The following PITRM1 variants were observed in gnomAD, a reference collection of about 807,000 sequenced individuals.
The protein encoded by PITRM1 is presequence protease, mitochondrial.
A neutral mutation model predicts 129.9 loss-of-function variants in PITRM1; 100 were observed. The observed-to-expected ratio is 0.77, with a 90% CI of 0.65 to 0.91. PITRM1 has a LOEUF of 0.91. Ranked by LOEUF, PITRM1 falls within the 40% of genes least tolerant of loss-of-function variation. The probability of loss-of-function intolerance (pLI) is 0.00; values close to 1 mark genes in which losing one functional copy is unlikely to be tolerated. For synonymous variants in PITRM1, 591 were observed against 508.8 expected, an observed-to-expected ratio of 1.16 and a Z score of -2.17; for missense variants, 1,471 against 1,318.3, an observed-to-expected ratio of 1.12 and a Z score of -1.79.
chr10:3,147,043 A>G (rs1840948675), intron 20 of PITRM1, 107 bp downstream of exon 20: 1 of 574,104 alleles, frequency 1.7e-6, no homozygotes. Context: ...AAATTCTATA[A>G]CCTTTACCAA....
In PITRM1 at chr10:3,143,984, A is replaced by C; in HGVS notation, c.2532+308T>G. 4 of 541,912 alleles carry C rather than the reference A, an allele frequency of 7.4e-6. No homozygotes were observed. The South Asian group carries it at 8.0e-5, about 11-fold the overall frequency. 33.6% of individuals were successfully genotyped at this position (541,912 alleles called of 1,614,324 possible). A position where few individuals can be genotyped will look rare whatever the true frequency, so the allele number is the denominator to read the frequency against. On this transcript the variant is annotated intron_variant, in intron 22 of 26. Coordinates refer to ENST00000224949, the MANE Select transcript of PITRM1 (RefSeq NM_014889.4). ...TCAGCTCGGGAGCTACGTTCAAAGA[A>C]GGGTGAGTTGCCCGGGAGGAGACCA...
intron 23 of PITRM1, chr10:3,141,620 C>T: frequency 2.1e-6 from 1 of 467,890 alleles, no homozygotes; most frequent in South Asian, 1.6e-5. Flanking sequence ...ACACATCCAC[C>T]TCCGACAGAA....
chr10:3,151,002 C>T (rs1427141404), intron 15 of PITRM1, among the ~76,000 whole-genome samples: 3 of 152,114 alleles, frequency 2.0e-5, no homozygotes, highest in Admixed American at 6.5e-5. Flanking sequence ...GAAATCAGAG[C>T]GCCCTATCAA....
At chr10:3,166,505 G>T in intron 3 of PITRM1, 125 bp from the exon 4 acceptor site, 1 of 544,178 alleles carries the variant, frequency 1.8e-6, no homozygotes, top group Non-Finnish European at 3.2e-6. Context: ...TCCAGCACAG[G>T]GTTTTCCAAC....
chr10:3,154,482 A>G (rs979846589), intron 14 of PITRM1, among the ~76,000 whole-genome samples: 1 of 152,134 alleles, frequency 6.6e-6, no homozygotes, highest in Non-Finnish European at 1.5e-5. Context: ...TAATTTTTAA[A>G]ATGTTAGTCA....
chr10:3,155,835 T>C (rs941013711), intron 13 of PITRM1, 106 bp from the exon 14 acceptor site: 8 of 1,280,382 alleles, frequency 6.2e-6, no homozygotes, highest in Non-Finnish European at 8.6e-6. Context: ...GTGGTTCCAC[T>C]TTCCCACTTT....
chr10:3,172,096 A>T, intron 1 of PITRM1: 1 of 424,274 alleles, frequency 2.4e-6, no homozygotes. Flanking sequence ...ACATGATAGG[A>T]AACTCCTGAG....
intron 23 of PITRM1, among the ~76,000 whole-genome samples, chr10:3,142,065 G>A (rs1840283962): frequency 1.3e-5 from 2 of 152,180 alleles, no homozygotes; most frequent in South Asian, 4.1e-4. Context: ...AGGAAAAAAA[G>A]ATCTGGAATC....
rs763857290 is a variant in PITRM1, at chr10:3,165,461, A to G, written c.485T>C (p.Val162Ala). ...NPKDFQNLLS[V>A]YLDATFFPCL... ...TGGGAAAAAGGTGGCATCCAAATAC[A>G]CCGAGAGGAGATTCTGAAAGTCCTT... The change falls in exon 5 of 27, where the codon GTG becomes GCG. Residue 162 changes from valine (V) to alanine (A), a missense_variant. By Grantham distance (64) the Val-to-Ala change is moderately conservative. Transcript: ENST00000224949. 6.2e-7 allele frequency: 1 copy of G among 1,613,672 alleles called. No individual in the cohort carries two copies. Among genetic ancestry groups the G allele is most frequent in the Non-Finnish European group, 8.5e-7 (1 of 1,179,712 alleles).
Position 3,168,944 on chromosome 10 carries a change from A to G in PITRM1, c.159+1160T>C, listed in dbSNP as rs896552831. On this transcript the variant is annotated intron_variant, in intron 2 of 26. Coordinates refer to ENST00000224949, the MANE Select transcript of PITRM1 (RefSeq NM_014889.4). ...CACACACACACACACACACACACAC[A>G]CACACACACACACACACACACAATT... Among the ~76,000 whole-genome samples the G allele has an allele frequency of 8.5e-4, 59 of 69,808 alleles. 1 individual carries two copies. Among genetic ancestry groups the G allele is most frequent in the African/African-American group, 3.0e-3 (57 of 19,036 alleles). The allele number at this position is 69,808 out of a possible 152,430, so 45.8% of individuals were successfully genotyped here.
intron 11 of PITRM1, 56 bp downstream of exon 11, chr10:3,157,984 A>C: frequency 9.1e-7 from 1 of 1,099,996 alleles, no homozygotes; most frequent in Non-Finnish European, 1.4e-6. Flanking sequence ...GCTTCTCCCA[A>C]AAAGCACACA....
rs747335896 is a variant in PITRM1 at position 3,141,730 on chromosome 10, G to T, written c.2646-918C>A. Reference sequence around the variant, plus strand: ...CCCAGGTCGCCGCTTCCACAGACAGGCCTTTTCCTAAAGTGGATGAAGGGA... The same window carrying T: ...CCCAGGTCGCCGCTTCCACAGACAGTCCTTTTCCTAAAGTGGATGAAGGGA... On this transcript the variant is annotated intron_variant, in intron 23 of 26. Coordinates refer to ENST00000224949, the MANE Select transcript of PITRM1 (RefSeq NM_014889.4). The T allele has an allele frequency of 1.7e-4, 79 of 460,826 alleles. 2 individuals carry two copies. The highest frequency in any genetic ancestry group is 1.1e-3 in the South Asian group (67 of 62,998). 28.5% of individuals were successfully genotyped at this position (460,826 alleles called of 1,614,324 possible).
At chr10:3,141,114 C>T (rs1840150376) in intron 23 of PITRM1, among the ~76,000 whole-genome samples, 1 of 152,172 alleles carries the variant, frequency 6.6e-6, no homozygotes, top group East Asian at 1.9e-4. Flanking sequence ...ACTATTTTTA[C>T]AGTTTTTGTA....
intron 16 of PITRM1, 58 bp from the exon 17 acceptor site, chr10:3,148,349 T>A: frequency 1.3e-6 from 2 of 1,529,450 alleles, no homozygotes; most frequent in Non-Finnish European, 1.8e-6. Context: ...GAATCATTTT[T>A]AAAATCGTGC....
rs1328231004 is a variant in PITRM1, at chr10:3,138,026, G to C, written c.*5C>G. The C allele has an allele frequency of 6.3e-7, 1 of 1,582,644 alleles. No homozygotes were observed. The highest frequency in any genetic ancestry group is 1.3e-5 in the African/African-American group (1 of 74,260). On this transcript the variant is annotated 3_prime_UTR_variant, in exon 27 of 27. Transcript: ENST00000224949. ...GGCTCCTGTGCAGTCGAGCGCCACG[G>C]CTGCTCATTGGATGATCCAGGATGG... is the stretch of plus-strand genomic sequence containing the variant.
In PITRM1 at chr10:3,157,449, G is replaced by C; in HGVS notation, c.1333C>G (p.Leu445Val). 8.7e-6 allele frequency: 14 copies of C among 1,605,866 alleles called. No individual in the cohort carries two copies. Among genetic ancestry groups the C allele is most frequent in the Non-Finnish European group, 1.2e-5 (14 of 1,174,838 alleles). The part of the protein sequence containing the change: ...QMKHQSTSFG[L>V]MLTSYIASCW... The stretch of plus-strand genomic sequence containing the variant: ...AGATCACTTACTGATGTCAGCATCA[G>C]CCCAAAGCTGGTAGACTGATGTTTC... Residue 445 changes from leucine (L) to valine (V), a missense_variant, in exon 12 of 27, where the codon CTG becomes GTG. Physicochemically the swap from Leu to Val is conservative, Grantham distance 32 (BLOSUM62 1). Transcript: ENST00000224949.
chr10:3,160,258 G>A lies in PITRM1; in HGVS notation c.864C>T (p.Phe288=), dbSNP rs1842336734. ...CCACGGTGCTTGGTTCAATTTTCTG[G>A]AATTTGCTCAGTGCTTCCTCGTGAA... The part of the protein sequence containing the change: ...KQIHEEALSK[F]QKIEPSTVVP... Residue 288 remains phenylalanine, a synonymous_variant, in exon 8 of 27, where the codon TTC becomes TTT. Transcript: ENST00000224949. 1 of 1,613,892 alleles carries A rather than the reference G, an allele frequency of 6.2e-7. No homozygotes were observed. Among genetic ancestry groups the A allele is most frequent in the Non-Finnish European group, 8.5e-7 (1 of 1,179,810 alleles).
chr10:3,172,154 G>C, intron 1 of PITRM1: 1 of 455,626 alleles, frequency 2.2e-6, no homozygotes, highest in Non-Finnish European at 4.4e-6. Flanking sequence ...GTGCCTCCCG[G>C]CCTGGGCCGG....
chr10:3,148,503 T>G, intron 16 of PITRM1: 1 of 556,438 alleles, frequency 1.8e-6, no homozygotes, highest in Non-Finnish European at 3.1e-6. Context: ...CCCCAGTTTC[T>G]CCCGCCTAGG....
Sources: gnomAD v4.1 joint callset for allele counts (sites outside exome capture counted in the v4.1 genomes callset) on GRCh38, gnomAD v4.1.1 for gene constraint, MANE v1.5 for transcripts, NCBI Gene and HGNC (gene_info 2026-07-23, HGNC 2026-07-21) for gene names.